CHODL: variants seen among roughly 807,000 people sequenced by gnomAD.
CHODL encodes chondrolectin, also known as transmembrane protein MT75.
In CHODL, 29 loss-of-function variants were observed where a neutral mutation model predicts 34.5. The ratio of observed to expected loss-of-function variants is 0.84; its 90% CI spans 0.63 to 1.15. CHODL has a LOEUF of 1.15. Ranked by LOEUF, CHODL falls within the 50% of genes most tolerant of loss-of-function variation. CHODL has a pLI of 0.00. For synonymous variants in CHODL, 125 were observed against 116.1 expected (o/e 1.08, Z -0.49); for missense variants, 332 against 332.5 (o/e 1.00, Z 0.01).
At chr21:17,926,670 C>T (rs965266237) in intron 1 of CHODL, among the ~76,000 whole-genome samples, 3 of 152,008 alleles carry the variant, frequency 2.0e-5, no homozygotes, top group Admixed American at 6.6e-5. Flanking sequence ...AGAAACCGCC[C>T]CCACGATTCA....
Position 18,248,687 on chromosome 21 carries a change from T to TA in CHODL, c.79+3385_79+3386insA, listed in dbSNP as rs1275087604. ...TATGTATAATACATATATGTATATATTATATACATATATATGTATATAATA... is the reference window on the plus strand; with the variant it reads ...TATGTATAATACATATATGTATATATATATATACATATATATGTATATAATA... On this transcript the variant is annotated intron_variant, in intron 1 of 5. Coordinates refer to ENST00000299295, the MANE Select transcript of CHODL (RefSeq NM_024944.3). Among the ~76,000 whole-genome samples, 256 of 120,460 alleles carry TA rather than the reference T, an allele frequency of 2.1e-3. 3 individuals carry two copies. The highest frequency in any genetic ancestry group is 8.9e-3 in the African/African-American group (249 of 27,926). The allele number at this position is 120,460 out of a possible 152,430, so 79.0% of individuals were successfully genotyped here. A position where few individuals can be genotyped will look rare whatever the true frequency, so the allele number is the denominator to read the frequency against.
chr21:17,973,075 A>G (rs2146364556), intron 1 of CHODL, among the ~76,000 whole-genome samples: 1 of 152,338 alleles, frequency 6.6e-6, no homozygotes, highest in Non-Finnish European at 1.5e-5. Flanking sequence ...GTGCTGGGAA[A>G]ACTGGCTAGC....
chr21:18,035,744 A>G (rs1351581791), intron 2 of CHODL, among the ~76,000 whole-genome samples: 2 of 151,950 alleles, frequency 1.3e-5, no homozygotes, highest in Non-Finnish European at 2.9e-5. Flanking sequence ...TGTTCAGTGC[A>G]TTTTTAATCT....
chr21:18,246,333 A>G lies in CHODL; in HGVS notation c.79+1031A>G, dbSNP rs137909855. On this transcript the variant is annotated intron_variant, in intron 1 of 5. Transcript: ENST00000299295. The stretch of plus-strand genomic sequence containing the variant: ...CAAATAGCCCTTTTCACTTTTGTAC[A>G]CCTATACAACAGGTGTCACTAGATG... Among the ~76,000 whole-genome samples the G allele has an allele frequency of 3.5e-3, 534 of 152,260 alleles. 3 individuals are homozygous for G. The highest frequency in any genetic ancestry group is 0.012 in the African/African-American group (495 of 41,542).
intron 1 of CHODL, among the ~76,000 whole-genome samples, chr21:18,250,279 A>G (rs1294022005): frequency 6.6e-6 from 1 of 152,032 alleles, no homozygotes; most frequent in Non-Finnish European, 1.5e-5. Flanking sequence ...TACTTGGTTT[A>G]CTACTTATTA....
intron 1 of CHODL, among the ~76,000 whole-genome samples, chr21:17,919,411 C>T (rs2063166552): frequency 6.6e-6 from 1 of 152,200 alleles, no homozygotes; most frequent in African/African-American, 2.4e-5. Flanking sequence ...AGACTCAATA[C>T]CACGTGGAAG....
At chr21:18,047,948 GCCA>G (rs2064465230) in intron 2 of CHODL, among the ~76,000 whole-genome samples, 1 of 151,826 alleles carries the variant, frequency 6.6e-6, no homozygotes, top group African/African-American at 2.4e-5. Flanking sequence ...TGGGAAAATG[GCCA>G]CCAACTTTTT....
At chr21:18,094,001 C>T (rs188495849) in intron 2 of CHODL, among the ~76,000 whole-genome samples, 2 of 152,016 alleles carry the variant, frequency 1.3e-5, no homozygotes, top group African/African-American at 2.4e-5. Flanking sequence ...TAAAGATACA[C>T]ATAGACTGAA....
intron 1 of CHODL, among the ~76,000 whole-genome samples, chr21:17,943,856 G>A (rs1363639715): frequency 6.6e-6 from 1 of 152,148 alleles, no homozygotes; most frequent in Non-Finnish European, 1.5e-5. Flanking sequence ...AGGAAGCCAA[G>A]TCTGATCTCA....
At chr21:17,930,963 T>C (rs113767103) in intron 1 of CHODL, among the ~76,000 whole-genome samples, 1 of 152,232 alleles carries the variant, frequency 6.6e-6, no homozygotes, top group African/African-American at 2.4e-5. Context: ...GGTGACATTG[T>C]GGCCTGGCGT....
chr21:18,173,307 A>G (rs2073254106), intron 2 of CHODL, among the ~76,000 whole-genome samples: 1 of 152,194 alleles, frequency 6.6e-6, no homozygotes, highest in East Asian at 1.9e-4. Context: ...AGCAAGTTAT[A>G]GGTCCCATAC....
chr21:18,118,416 A>T (rs2146572636), intron 2 of CHODL, among the ~76,000 whole-genome samples: 1 of 152,252 alleles, frequency 6.6e-6, no homozygotes, highest in Non-Finnish European at 1.5e-5. Context: ...ATCCTCAAAC[A>T]CTTCTCAAAA....
intron 1 of CHODL, among the ~76,000 whole-genome samples, chr21:17,972,774 CAG>C (rs1568823977): frequency 6.6e-6 from 1 of 152,160 alleles, no homozygotes; most frequent in African/African-American, 2.4e-5. Context: ...GCTGTTTTCA[CAG>C]AATTAGAAAA....
intron 2 of CHODL, among the ~76,000 whole-genome samples, chr21:18,105,927 T>C (rs2065267126): frequency 6.6e-6 from 1 of 152,136 alleles, no homozygotes; most frequent in Non-Finnish European, 1.5e-5. Context: ...AGTGAAACAT[T>C]GCCCTTAAAA....
intron 2 of CHODL, among the ~76,000 whole-genome samples, chr21:18,188,114 T>A (rs2073465142): frequency 6.6e-6 from 1 of 152,116 alleles, no homozygotes; most frequent in African/African-American, 2.4e-5. Context: ...TGATCATTTT[T>A]TTTTTCCTTT....
chr21:18,130,010 G>T (rs749623116), intron 2 of CHODL, among the ~76,000 whole-genome samples: 9 of 151,906 alleles, frequency 5.9e-5, no homozygotes, highest in Admixed American at 6.6e-5. Context: ...ATTTTGGAAG[G>T]CCAAGAAGCT....
chr21:18,168,110 T>C lies in CHODL; in HGVS notation c.-44-88399T>C, dbSNP rs543136969. Among the ~76,000 whole-genome samples, 73 of 152,320 alleles carry C rather than the reference T, an allele frequency of 4.8e-4. 2 individuals are homozygous for C. ...TTTTGGACTCCTGGACCTATACCAG[T>C]GGTTTGCCAGGGTCTCTCAGACCTT... On this transcript the variant is annotated intron_variant, in intron 2 of 6. Coordinates refer to the CHODL transcript ENST00000400127.
chr21:18,174,161 A>ATATATATATCTTGGTATATATATATAT (rs2073276201), intron 2 of CHODL, among the ~76,000 whole-genome samples: 2 of 85,678 alleles, frequency 2.3e-5, no homozygotes, highest in African/African-American at 6.6e-5. Context: ...ATATATATAT[A>ATATATATATCTTGGTATATATATATAT]AAATCAAGTC....
chr21:17,958,784 A>G (rs997453416), intron 1 of CHODL, among the ~76,000 whole-genome samples: 1 of 152,172 alleles, frequency 6.6e-6, no homozygotes, highest in Admixed American at 6.5e-5. Flanking sequence ...CTTTGATAAT[A>G]GAATTCCGTT....
Sources: allele counts gnomAD v4.1 joint callset (sites outside exome capture counted in the v4.1 genomes callset), GRCh38; gene constraint gnomAD v4.1.1; transcripts MANE v1.5; gene names NCBI Gene and HGNC (gene_info 2026-07-23, HGNC 2026-07-21).